Variants in POFUT3 observed in about 807,000 individuals in gnomAD.
The protein encoded by POFUT3 is GDP-fucose protein O-fucosyltransferase 3.
the POFUT3 span, among the ~76,000 whole-genome samples, chr8:33,424,138 CA>C: frequency 1.7e-3 from 234 of 136,492 alleles, no homozygotes; most frequent in African/African-American, 1.6e-3. Context: ...GACTCCATTT[CA>C]AAAAAAAAAA....
At chr8:33,320,852 A>G in the POFUT3 span, among the ~76,000 whole-genome samples, 27 of 152,088 alleles carry the variant, frequency 1.8e-4, no homozygotes, top group Non-Finnish European at 3.2e-4. Flanking sequence ...CAAGGCTTCT[A>G]ATCCCAGAAA....
At chr8:33,419,616 A>G in the POFUT3 span, among the ~76,000 whole-genome samples, 4 of 152,202 alleles carry the variant, frequency 2.6e-5, no homozygotes, top group East Asian at 1.9e-4. Context: ...CTTAAATGCC[A>G]TGACTCCCTG....
At chr8:33,459,895 C>CA in the POFUT3 span, among the ~76,000 whole-genome samples, 13 of 152,142 alleles carry the variant, frequency 8.5e-5, no homozygotes, top group South Asian at 2.1e-4. Context: ...CCCGTCTCCA[C>CA]AAAAAAATAC....
chr8:33,325,255 C>CT, the POFUT3 span, among the ~76,000 whole-genome samples: 15 of 152,120 alleles, frequency 9.9e-5, no homozygotes, highest in Non-Finnish European at 4.4e-5. Flanking sequence ...AAAGTTCATC[C>CT]TTTTTTCTTT....
the POFUT3 span, chr8:33,372,234 C>G: frequency 9.7e-7 from 1 of 1,027,664 alleles, no homozygotes; most frequent in Non-Finnish European, 1.2e-6. Flanking sequence ...AGGTGAGTAT[C>G]AAGAATCTAT....
the POFUT3 span, among the ~76,000 whole-genome samples, chr8:33,380,820 G>A: frequency 7.0e-6 from 1 of 143,070 alleles, no homozygotes; most frequent in East Asian, 2.1e-4. Flanking sequence ...CTGGGTGATA[G>A]AATGAGACCC....
chr8:33,441,632 C>T, the POFUT3 span, among the ~76,000 whole-genome samples: 4 of 152,034 alleles, frequency 2.6e-5, no homozygotes, highest in Non-Finnish European at 4.4e-5. Context: ...CTGCCCTCCT[C>T]GGCCTCCCAA....
chr8:33,428,366 C>A, the POFUT3 span, among the ~76,000 whole-genome samples: 4 of 152,106 alleles, frequency 2.6e-5, no homozygotes, highest in Non-Finnish European at 5.9e-5. Context: ...TTTTTTAAAT[C>A]CCTTCAAGGG....
chr8:33,316,396 G>T, the POFUT3 span, among the ~76,000 whole-genome samples: 1 of 151,874 alleles, frequency 6.6e-6, no homozygotes, highest in Non-Finnish European at 1.5e-5. Context: ...ATATTAGAAA[G>T]GTCTAGTGGG....
chr8:33,389,893 G>A, the POFUT3 span: 1 of 859,176 alleles, frequency 1.2e-6, no homozygotes, highest in African/African-American at 1.7e-5. Context: ...GGAGTCTGAG[G>A]CTATGAATAA....
chr8:33,353,695 G>A, the POFUT3 span, among the ~76,000 whole-genome samples: 1 of 152,148 alleles, frequency 6.6e-6, no homozygotes, highest in Admixed American at 6.5e-5. Context: ...TCTGGCACCT[G>A]AGCCAGCTGC....
chr8:33,380,230 CTATATATATATATAT>C, the POFUT3 span, among the ~76,000 whole-genome samples: 3 of 54,764 alleles, frequency 5.5e-5, no homozygotes, highest in East Asian at 4.3e-4. Context: ...TATATATATA[CTATATATATATATAT>C]ACTATATATA....
At chr8:33,415,144 C>T in the POFUT3 span, among the ~76,000 whole-genome samples, 9 of 151,954 alleles carry the variant, frequency 5.9e-5, no homozygotes, top group Non-Finnish European at 1.2e-4. Context: ...TGCCTGTAGG[C>T]CCAGTTACTC....
At chr8:33,336,476 G>A in the POFUT3 span, among the ~76,000 whole-genome samples, 2 of 152,044 alleles carry the variant, frequency 1.3e-5, no homozygotes, top group Non-Finnish European at 2.9e-5. Context: ...TTTTAATAGT[G>A]GCTGTTTTTA....
chr8:33,428,415 A>C, the POFUT3 span, among the ~76,000 whole-genome samples: 1 of 152,222 alleles, frequency 6.6e-6, no homozygotes, highest in South Asian at 2.1e-4. Context: ...TTTTATAGGA[A>C]AGACCTTATT....
At chr8:33,453,105 G>T in the POFUT3 span, 1 of 1,043,706 alleles carries the variant, frequency 9.6e-7, no homozygotes, top group Non-Finnish European at 1.4e-6. Flanking sequence ...AATCAGGGGT[G>T]TCAAAGTGTT....
At chr8:33,460,796 G>A in the POFUT3 span, 1 of 976,244 alleles carries the variant, frequency 1.0e-6, no homozygotes, top group Non-Finnish European at 1.2e-6. Context: ...GGGGCAGGGG[G>A]TGAATTGGAA....
At chr8:33,355,964 T>A in the POFUT3 span, among the ~76,000 whole-genome samples, 1 of 152,166 alleles carries the variant, frequency 6.6e-6, no homozygotes, top group Non-Finnish European at 1.5e-5. Context: ...GAATGATGAT[T>A]TCCAATTTCA....
At chr8:33,348,501 G>A in the POFUT3 span, among the ~76,000 whole-genome samples, 6 of 152,110 alleles carry the variant, frequency 3.9e-5, no homozygotes, top group Admixed American at 6.5e-5. Context: ...TGAGTTAACC[G>A]GGTAACTGTT....
Sources: gnomAD v4.1 joint callset for allele counts (sites outside exome capture counted in the v4.1 genomes callset) on GRCh38, gnomAD v4.1.1 for gene constraint, MANE v1.5 for transcripts, NCBI Gene and HGNC (gene_info 2026-07-23, HGNC 2026-07-21) for gene names.